Variants in CRTAC1 observed in about 807,000 individuals in gnomAD.
CRTAC1 encodes the protein acidic secreted protein in cartilage.
In CRTAC1, 37 loss-of-function variants were observed where a neutral mutation model predicts 67.8. That is an observed-to-expected ratio of 0.55 (90% CI 0.42 to 0.72). The LOEUF is 0.72. Ranked by LOEUF, CRTAC1 falls within the 30% of genes least tolerant of loss-of-function variation. The pLI, the probability that CRTAC1 is intolerant of heterozygous loss-of-function variation, is 0.00. For synonymous variants in CRTAC1, 348 were observed against 371.0 expected, an observed-to-expected ratio of 0.94 and a Z score of 0.71; for missense variants, 780 against 931.6, an observed-to-expected ratio of 0.84 and a Z score of 2.12.
At position 98,030,562 on chromosome 10, in the gene CRTAC1, A is replaced by C; in HGVS notation, c.-90T>G. 2 of 952,722 alleles carry C rather than the reference A, an allele frequency of 2.1e-6. No individual in the cohort carries two copies. The highest frequency in any genetic ancestry group is 2.7e-6 in the Non-Finnish European group (2 of 728,724). The allele number at this position is 952,722 out of a possible 1,614,324, so 59.0% of individuals were successfully genotyped here. On this transcript the variant is annotated 5_prime_UTR_variant, in exon 1 of 15. Coordinates refer to ENST00000370597, the MANE Select transcript of CRTAC1 (RefSeq NM_018058.7). This position sits in a 1 kb window ranked among gnomAD's most constrained non-coding sequence, Gnocchi z 4.2. ...CCGGCGCCGCCGCCTGCTTGCTCCC[A>C]GCCCCGGTCCCGGGCTGGCCTCGAG...
chr10:98,024,581 C>A (rs1843186541), intron 1 of CRTAC1, among the ~76,000 whole-genome samples: 1 of 152,048 alleles, frequency 6.6e-6, no homozygotes, highest in Non-Finnish European at 1.5e-5. Context: ...TGGGCTGGAA[C>A]CAACTTACAG....
chr10:97,898,788 G>A (rs1217944353), intron 8 of CRTAC1, among the ~76,000 whole-genome samples: 1 of 152,204 alleles, frequency 6.6e-6, no homozygotes, highest in Non-Finnish European at 1.5e-5. Context: ...TGAAGAGCAG[G>A]TTGGAGACAT....
chr10:97,871,468 G>A (rs2050092713), intron 14 of CRTAC1: 1 of 152,206 alleles, frequency 6.6e-6, no homozygotes, highest in Non-Finnish European at 1.5e-5. Context: ...CTCGTTATAC[G>A]ATGGCCTCAT....
At chr10:97,944,953 G>T (rs2051241621) in intron 2 of CRTAC1, among the ~76,000 whole-genome samples, 1 of 152,220 alleles carries the variant, frequency 6.6e-6, no homozygotes, top group East Asian at 1.9e-4. Context: ...AGTGACACCA[G>T]CTGATGTCAC....
Position 98,011,219 on chromosome 10 carries a change from T to C in CRTAC1, c.143A>G (p.Asp48Gly). The C allele has an allele frequency of 6.2e-7, 1 of 1,614,144 alleles. No homozygotes were observed. The highest frequency in any genetic ancestry group is 8.5e-7 in the Non-Finnish European group (1 of 1,180,018). The change falls in exon 2 of 15, where the codon GAC becomes GGC. Residue 48 changes from aspartate (D) to glycine (G), a missense_variant. Asp to Gly is a moderately conservative substitution (Grantham distance 94, BLOSUM62 -1). Transcript: ENST00000370597. ...VTNSVLPPDY[D>G]SNPTQLNYGV... Reference sequence around the variant, plus strand: ...ATAGTTGAGCTGGGTGGGATTACTGTCATAGTCAGGAGGCAGAACTGAGTT... The same window carrying C: ...ATAGTTGAGCTGGGTGGGATTACTGCCATAGTCAGGAGGCAGAACTGAGTT...
intron 11 of CRTAC1, among the ~76,000 whole-genome samples, chr10:97,894,765 T>TATAA (rs2050430940): frequency 9.6e-6 from 1 of 104,128 alleles, no homozygotes; most frequent in Non-Finnish European, 1.9e-5. Flanking sequence ...TATATATATA[T>TATAA]GATAGGATTT....
chr10:98,014,731 C>T lies in CRTAC1; in HGVS notation c.25-3394G>A, dbSNP rs979681072. Among the ~76,000 whole-genome samples, 14 of 152,096 alleles carry T rather than the reference C, an allele frequency of 9.2e-5. 1 individual carries two copies. The South Asian group carries it at 1.0e-3, about 11-fold the overall frequency. Reference sequence around the variant, plus strand: ...CACTAATCATTAGGGATATGCAAATCGAAACCACAATGAGATACCATTTCA... The same window carrying T: ...CACTAATCATTAGGGATATGCAAATTGAAACCACAATGAGATACCATTTCA... On this transcript the variant is annotated intron_variant, in intron 1 of 14. Coordinates refer to ENST00000370597, the MANE Select transcript of CRTAC1 (RefSeq NM_018058.7).
intron 11 of CRTAC1, among the ~76,000 whole-genome samples, chr10:97,888,355 G>A (rs572025489): frequency 6.6e-6 from 1 of 152,338 alleles, no homozygotes; most frequent in Admixed American, 6.5e-5. Context: ...AGGGAAGGAA[G>A]GAGCGTTCCA....
intron 3 of CRTAC1, among the ~76,000 whole-genome samples, chr10:97,930,898 TACA>T (rs1409234991): frequency 6.9e-6 from 1 of 145,596 alleles, no homozygotes. Flanking sequence ...TTTTCCACAT[TACA>T]ACATCCACCA....
chr10:97,922,448 C>T (rs1371306387), intron 4 of CRTAC1, among the ~76,000 whole-genome samples: 2 of 152,230 alleles, frequency 1.3e-5, no homozygotes, highest in Non-Finnish European at 2.9e-5. Flanking sequence ...GCCATAGACA[C>T]TCCTGTGGCA....
intron 2 of CRTAC1, among the ~76,000 whole-genome samples, chr10:97,996,901 G>C (rs1052155173): frequency 1.3e-5 from 2 of 152,014 alleles, no homozygotes; most frequent in African/African-American, 2.4e-5. Context: ...ATACTATGCA[G>C]CCAGAAAAAA....
At chr10:98,010,638 TA>T (rs1382409752) in intron 2 of CRTAC1, among the ~76,000 whole-genome samples, 1 of 152,178 alleles carries the variant, frequency 6.6e-6, no homozygotes, top group Non-Finnish European at 1.5e-5. Context: ...GAGGTTTAGC[TA>T]ACCCTCTTAA....
At chr10:97,991,099 CAAAAAAAAAAAA>C (rs757267901) in intron 2 of CRTAC1, among the ~76,000 whole-genome samples, 4 of 17,978 alleles carry the variant, frequency 2.2e-4, no homozygotes, top group South Asian at 2.7e-3. Flanking sequence ...ACCATCTCTA[CAAAAAAAAAAAA>C]AAAAAAAAAA....
chr10:97,974,597 C>T (rs1475415227), intron 2 of CRTAC1, among the ~76,000 whole-genome samples: 2 of 152,150 alleles, frequency 1.3e-5, no homozygotes, highest in Non-Finnish European at 2.9e-5. Flanking sequence ...TTGTTTTCTC[C>T]TCCGACTCTC....
intron 2 of CRTAC1, among the ~76,000 whole-genome samples, chr10:97,978,239 C>A (rs945258842): frequency 6.6e-6 from 1 of 152,272 alleles, no homozygotes; most frequent in Admixed American, 6.5e-5. Context: ...TAGACCTAGC[C>A]AATGAGAATC....
chr10:97,866,800 G>T (rs974509783), intron 14 of CRTAC1: 7 of 152,216 alleles, frequency 4.6e-5, no homozygotes, highest in African/African-American at 1.7e-4. Flanking sequence ...ATGTGTATGA[G>T]TGTGTGTGTA....
rs367763411 is a variant in CRTAC1 at position 98,004,730 on chromosome 10, A to G, written c.224+6408T>C. On this transcript the variant is annotated intron_variant, in intron 2 of 14. Transcript: ENST00000370597. ...GCAACTTAAAAAAAAAGCTACATCT[A>G]TATGTTTGAACATATTATGCAGTGA... Among the ~76,000 whole-genome samples, 3 of 152,248 alleles carry G rather than the reference A, an allele frequency of 2.0e-5. No individual in the cohort carries two copies. In the East Asian group the frequency reaches 5.8e-4, roughly 29 times the overall value.
At chr10:97,969,704 C>A (rs534245488) in intron 2 of CRTAC1, among the ~76,000 whole-genome samples, 1 of 152,212 alleles carries the variant, frequency 6.6e-6, no homozygotes, top group African/African-American at 2.4e-5. Flanking sequence ...AAACACAGAT[C>A]TGATCATGCC....
chr10:97,901,760 T>G, intron 7 of CRTAC1, 121 bp from the exon 8 acceptor site: 1 of 1,245,232 alleles, frequency 8.0e-7, no homozygotes, highest in Non-Finnish European at 1.1e-6. Context: ...AAAGCTCCTC[T>G]CCTGCCTCCC....
Sources: gnomAD v4.1 joint callset for allele counts (sites outside exome capture counted in the v4.1 genomes callset) on GRCh38, gnomAD v4.1.1 for gene constraint, Gnocchi (gnomAD v3.1) non-coding constraint, MANE v1.5 for transcripts, NCBI Gene and HGNC (gene_info 2026-07-23, HGNC 2026-07-21) for gene names.